Variants in ZIM2 observed in about 807,000 individuals in gnomAD.
ZIM2 encodes the protein zinc finger imprinted 2.
In ZIM2, 14 loss-of-function variants were observed where a neutral mutation model predicts 38.6. The ratio of observed to expected loss-of-function variants is 0.36; its 90% confidence interval spans 0.24 to 0.57. The LOEUF (loss-of-function observed/expected upper bound fraction) is 0.57. Among genes scored for constraint, ZIM2 ranks in the 20% least tolerant of loss-of-function variants. The pLI is 0.81. For synonymous variants in ZIM2, 247 were observed against 245.8 expected (o/e 1.00, Z -0.04); for missense variants, 680 against 695.1 (o/e 0.98, Z 0.24).
chr19:56,838,073 G>A (rs1007368110), intron 1 of ZIM2, among the ~76,000 whole-genome samples: 2 of 152,128 alleles, frequency 1.3e-5, no homozygotes, highest in Non-Finnish European at 2.9e-5. Flanking sequence ...ACAGTACACC[G>A]TGGCTGCCAC....
intron 9 of ZIM2, among the ~76,000 whole-genome samples, chr19:56,806,677 A>G (rs752747460): frequency 6.6e-6 from 1 of 152,196 alleles, no homozygotes; most frequent in African/African-American, 2.4e-5. Context: ...TGTCCCCACA[A>G]AACTCATATG....
At chr19:56,818,308 TTA>T (rs2060170779) in intron 8 of ZIM2, among the ~76,000 whole-genome samples, 7 of 152,254 alleles carry the variant, frequency 4.6e-5, no homozygotes, top group African/African-American at 1.7e-4. Context: ...GAATGTCTAC[TTA>T]AAAACCTCCA....
intron 12 of ZIM2, among the ~76,000 whole-genome samples, chr19:56,776,542 C>G (rs1486031168): frequency 1.3e-5 from 2 of 152,174 alleles, no homozygotes; most frequent in Non-Finnish European, 2.9e-5. Flanking sequence ...AACACTGGAG[C>G]AAACAGGTCA....
At chr19:56,830,311 G>A (rs1245891000) in intron 2 of ZIM2, among the ~76,000 whole-genome samples, 1 of 152,200 alleles carries the variant, frequency 6.6e-6, no homozygotes, top group Non-Finnish European at 1.5e-5. Context: ...CAAGGAGGAT[G>A]TCCCATCAGG....
At chr19:56,826,540 T>G (rs1220525079) in intron 2 of ZIM2, 77 bp from the exon 3 acceptor site, 1 of 152,246 alleles carries the variant, frequency 6.6e-6, no homozygotes, top group East Asian at 1.9e-4. Flanking sequence ...GAGAATTAAC[T>G]CCCCAAACAA....
At chr19:56,777,124 A>G (rs993443196) in intron 12 of ZIM2, among the ~76,000 whole-genome samples, 7 of 152,190 alleles carry the variant, frequency 4.6e-5, no homozygotes, top group Non-Finnish European at 1.0e-4. Flanking sequence ...AAGAGAGGTG[A>G]TGAACACAGT....
At position 56,817,825 on chromosome 19, in the gene ZIM2, A is replaced by G. The variant is rs2060121530; in HGVS notation, c.411T>C (p.Ala137=). The G allele has an allele frequency of 1.9e-6, 3 of 1,613,862 alleles. No individual in the cohort carries two copies. The highest frequency in any genetic ancestry group is 2.5e-6 in the Non-Finnish European group (3 of 1,179,960). ...TCATGTGGGAGTGGCCATCGTCTTC[A>G]GCAAGCTGCACTCCTGGTCACAAGG... The part of the protein sequence containing the change: ...RKLLSLGVQL[A]EDDGHSHMTQ... The change falls in exon 9 of 13, where the codon GCT becomes GCC. Residue 137 remains alanine, a synonymous_variant. Transcript: ENST00000629319.
intron 10 of ZIM2, chr19:56,782,463 G>A (rs12610778): frequency 0.16 from 75,519 of 460,390 alleles, 6,997 homozygotes; most frequent in East Asian, 0.37. Flanking sequence ...TTAAGCCTCA[G>A]GGTCCCACCT....
At chr19:56,776,425 A>G (rs1403706953) in intron 12 of ZIM2, among the ~76,000 whole-genome samples, 1 of 152,242 alleles carries the variant, frequency 6.6e-6, no homozygotes, top group African/African-American at 2.4e-5. Flanking sequence ...ATGCACCTTG[A>G]ACCCTAAAGA....
At chr19:56,796,585 C>T (rs1034607176) in intron 9 of ZIM2, among the ~76,000 whole-genome samples, 1 of 152,134 alleles carries the variant, frequency 6.6e-6, no homozygotes. Context: ...CAGAAATGAC[C>T]AAGCAAAGCT....
chr19:56,795,948 TAACA>T (rs1243135680), intron 9 of ZIM2, among the ~76,000 whole-genome samples: 9 of 152,080 alleles, frequency 5.9e-5, no homozygotes, highest in Non-Finnish European at 1.3e-4. Flanking sequence ...AAATAAAAAA[TAACA>T]AACTAATTTC....
At chr19:56,819,186 G>T (rs889779459) in intron 7 of ZIM2, among the ~76,000 whole-genome samples, 1 of 152,088 alleles carries the variant, frequency 6.6e-6, no homozygotes, top group African/African-American at 2.4e-5. Context: ...AGTACTCAGG[G>T]AACAGAAAGA....
At position 56,818,709 on chromosome 19, in the gene ZIM2, C is replaced by G; in HGVS notation, c.295-7G>C. 1 of 1,614,086 alleles carries G rather than the reference C, an allele frequency of 6.2e-7. No individual in the cohort carries two copies. The highest frequency in any genetic ancestry group is 8.5e-7 in the Non-Finnish European group (1 of 1,179,972). ...TTTGGTATGATTCAGCATCCTAAAA[C>G]AGCAAACACAGACCTCTCAATGGAG... On this transcript the variant is annotated splice_polypyrimidine_tract_variant and splice_region_variant and intron_variant, in intron 7 of 12. Coordinates refer to ENST00000629319, the MANE Select transcript of ZIM2 (RefSeq NM_001387356.1).
intron 9 of ZIM2, among the ~76,000 whole-genome samples, chr19:56,792,856 T>C (rs893745867): frequency 2.0e-5 from 3 of 152,176 alleles, no homozygotes; most frequent in Non-Finnish European, 4.4e-5. Context: ...TCATCTCACA[T>C]GAGATTAGGC....
At chr19:56,817,593 C>A in intron 9 of ZIM2, 153 bp downstream of exon 9, 1 of 1,574,624 alleles carries the variant, frequency 6.4e-7, no homozygotes, top group South Asian at 1.2e-5. Flanking sequence ...GAAAGAAACC[C>A]CAAATGTAAA....
intron 9 of ZIM2, among the ~76,000 whole-genome samples, chr19:56,804,821 C>T (rs944181385): frequency 2.0e-5 from 3 of 152,166 alleles, no homozygotes; most frequent in Non-Finnish European, 4.4e-5. Flanking sequence ...ATAGTAACCC[C>T]GTAACGGGGG....
chr19:56,782,191 G>T, intron 10 of ZIM2, 70 bp from the exon 11 acceptor site: 1 of 1,565,218 alleles, frequency 6.4e-7, no homozygotes. Flanking sequence ...CAGACCAGCA[G>T]AGAGCTTCCA....
intron 12 of ZIM2, among the ~76,000 whole-genome samples, chr19:56,777,409 C>T (rs1294201663): frequency 6.6e-6 from 1 of 152,238 alleles, no homozygotes; most frequent in Non-Finnish European, 1.5e-5. Flanking sequence ...ATACCTCCAA[C>T]CTGACCCCTC....
rs768577620 is a variant in ZIM2, at chr19:56,774,831, G to C, written c.1534C>G (p.Leu512Val). 3 of 1,614,166 alleles carry C rather than the reference G, an allele frequency of 1.9e-6. No homozygotes were observed. The highest frequency in any genetic ancestry group is 2.2e-5 in the East Asian group (1 of 44,886). The stretch of plus-strand genomic sequence containing the variant: ...GTGTGAGTTCTATAATGCTGAATGA[G>C]ATATGAATTCCGACTGAAGACTCTG... Reference protein sequence around the residue: ...CGRVFSRNSYLIQHYRTHTQE... With the variant: ...CGRVFSRNSYVIQHYRTHTQE... Residue 512 changes from leucine to valine, a missense_variant, in exon 13 of 13, where the codon CTC becomes GTC. Physicochemically the swap from Leu to Val is conservative, Grantham distance 32. Coordinates refer to ENST00000629319, the MANE Select transcript of ZIM2 (RefSeq NM_001387356.1).
Sources: gnomAD v4.1 joint callset for allele counts (sites outside exome capture counted in the v4.1 genomes callset) on GRCh38, gnomAD v4.1.1 for gene constraint, MANE v1.5 for transcripts, NCBI Gene and HGNC (gene_info 2026-07-23, HGNC 2026-07-21) for gene names.